Variants in LOXL2 observed in about 807,000 individuals in gnomAD.
The protein encoded by LOXL2 is lysyl oxidase homolog 2.
A neutral mutation model predicts 93.0 loss-of-function variants in LOXL2; 70 were observed. The ratio of observed to expected loss-of-function variants is 0.75; its 90% CI spans 0.62 to 0.92. LOXL2 has a LOEUF of 0.92. Ranked by LOEUF, LOXL2 falls within the 40% of genes least tolerant of loss-of-function variation. The probability of loss-of-function intolerance (pLI) is 0.00; values close to 1 mark genes in which losing one functional copy is unlikely to be tolerated. For missense variants in LOXL2, 973 were observed against 1,054.9 expected, an observed-to-expected ratio of 0.92 and a Z score of 1.08; for synonymous variants, 438 against 413.2, an observed-to-expected ratio of 1.06 and a Z score of -0.73.
intron 2 of LOXL2, among the ~76,000 whole-genome samples, chr8:23,366,859 T>A (rs1196636862): frequency 6.6e-6 from 1 of 152,144 alleles, no homozygotes; most frequent in African/African-American, 2.4e-5. Flanking sequence ...TCTTTCCTAT[T>A]TGGGAACATA....
At chr8:23,325,922 G>A (rs7012666) in intron 6 of LOXL2, among the ~76,000 whole-genome samples, 108,223 of 152,140 alleles carry the variant, frequency 0.71, 38,737 homozygotes, top group Middle Eastern at 0.76. Context: ...GGTGCTGTGC[G>A]TCCAGCCACC....
At chr8:23,305,412 G>A (rs1051551814) in intron 10 of LOXL2, among the ~76,000 whole-genome samples, 2 of 152,152 alleles carry the variant, frequency 1.3e-5, no homozygotes, top group Admixed American at 6.5e-5. Flanking sequence ...CTTCTGTCCT[G>A]GGCATCTCGC....
intron 4 of LOXL2, among the ~76,000 whole-genome samples, chr8:23,339,757 C>T (rs1474404905): frequency 1.3e-5 from 2 of 152,210 alleles, no homozygotes; most frequent in African/African-American, 4.8e-5. Flanking sequence ...CTGGTGCCAA[C>T]AGGAAGGTCT....
At chr8:23,381,706 A>G (rs1176665262) in intron 1 of LOXL2, among the ~76,000 whole-genome samples, 1 of 152,110 alleles carries the variant, frequency 6.6e-6, no homozygotes, top group Non-Finnish European at 1.5e-5. Context: ...TCACATTGGT[A>G]TCCTTCCAAC....
At position 23,317,004 on chromosome 8, in the gene LOXL2, G is replaced by A. The variant is rs138796129; in HGVS notation, c.1581C>T (p.Asp527=). ...SLAHCRHDGE[D]VACPQGGVQY... is the part of the protein sequence containing the mutation. ...GCACTCCGCCCTGGGGGCAGGCCAC[G>A]TCCTCCCCGTCGTGGCGGCAGTGCG... The change falls in exon 9 of 14, where the codon GAC becomes GAT. Residue 527 remains aspartate (D), a synonymous_variant. Coordinates refer to ENST00000389131, the MANE Select transcript of LOXL2 (RefSeq NM_002318.3). 2.2e-5 allele frequency: 35 copies of A among 1,614,000 alleles called. No homozygotes were observed. Among genetic ancestry groups the A allele is most frequent in the African/African-American group, 2.7e-5 (2 of 74,932 alleles).
intron 1 of LOXL2, among the ~76,000 whole-genome samples, chr8:23,396,343 C>A (rs1175730267): frequency 6.6e-6 from 1 of 151,578 alleles, no homozygotes; most frequent in Non-Finnish European, 1.5e-5. Context: ...AACAAACAAA[C>A]AAACAAACAA....
intron 3 of LOXL2, among the ~76,000 whole-genome samples, chr8:23,346,975 T>C (rs554760941): frequency 3.4e-4 from 51 of 152,174 alleles, no homozygotes; most frequent in Non-Finnish European, 6.8e-4. Flanking sequence ...CACCAGCAAG[T>C]TCCTGCATCT....
At chr8:23,396,319 A>AAAAC (rs71548892) in intron 1 of LOXL2, among the ~76,000 whole-genome samples, 4,374 of 150,510 alleles carry the variant, frequency 0.029, 165 homozygotes, top group East Asian at 0.09. Context: ...CTCAGTCTCA[A>AAAAC]AAACAAACAA....
At chr8:23,353,290 G>T (rs1363979521) in intron 3 of LOXL2, among the ~76,000 whole-genome samples, 1 of 152,182 alleles carries the variant, frequency 6.6e-6, no homozygotes, top group Admixed American at 6.5e-5. Context: ...TGGGAGGTTT[G>T]GTTGGGGCTC....
chr8:23,336,424 G>A (rs1380220216), intron 4 of LOXL2: 1 of 152,240 alleles, frequency 6.6e-6, no homozygotes, highest in Non-Finnish European at 1.5e-5. Flanking sequence ...GGAGGCCCAC[G>A]GAGGGTGGAA....
intron 1 of LOXL2, among the ~76,000 whole-genome samples, chr8:23,394,395 A>AG (rs1378788796): frequency 3.8e-5 from 5 of 132,302 alleles, no homozygotes; most frequent in Non-Finnish European, 8.0e-5. Flanking sequence ...TCTGTCTCAG[A>AG]GAAAAAAAAA....
At position 23,298,919 on chromosome 8, in the gene LOXL2, G is replaced by A; in HGVS notation, c.2162C>T (p.Ala721Val). The A allele has an allele frequency of 1.2e-6, 2 of 1,613,128 alleles. No homozygotes were observed. The highest frequency in any genetic ancestry group is 8.5e-7 in the Non-Finnish European group (1 of 1,179,174). The change falls in exon 13 of 14, where the codon GCA becomes GTA. Residue 721 changes from alanine to valine, a missense_variant. Ala to Val is a moderately conservative substitution (Grantham distance 64). Coordinates refer to ENST00000389131, the MANE Select transcript of LOXL2 (RefSeq NM_002318.3). ...GATGTTGTTGGAGTAATCGGATTCT[G>A]CAACCTCGAAGTTGGGGTTAATAAC... ...QVVINPNFEV[A>V]ESDYSNNIMK...
At chr8:23,323,945 C>T (rs982309077) in intron 6 of LOXL2, among the ~76,000 whole-genome samples, 10 of 152,148 alleles carry the variant, frequency 6.6e-5, no homozygotes, top group South Asian at 2.1e-4. Context: ...TGTGATCTGC[C>T]CGCCTCGGCC....
intron 1 of LOXL2, among the ~76,000 whole-genome samples, chr8:23,397,805 T>G (rs1269982546): frequency 8.6e-6 from 1 of 116,752 alleles, no homozygotes; most frequent in African/African-American, 3.3e-5. Context: ...AAGAAAGAAA[T>G]ATGCTTTTCC....
intron 2 of LOXL2, among the ~76,000 whole-genome samples, chr8:23,366,743 C>T (rs767853730): frequency 6.6e-6 from 1 of 152,008 alleles, no homozygotes; most frequent in Non-Finnish European, 1.5e-5. Context: ...GCAGCTCAGC[C>T]GGGCGGGAGG....
intron 1 of LOXL2, among the ~76,000 whole-genome samples, chr8:23,386,808 C>T (rs1390466693): frequency 6.6e-6 from 1 of 152,166 alleles, no homozygotes; most frequent in Non-Finnish European, 1.5e-5. Flanking sequence ...GTCAGCAGAA[C>T]ATGGGAGAAT....
intron 1 of LOXL2, among the ~76,000 whole-genome samples, chr8:23,395,132 T>C (rs1411053131): frequency 6.6e-6 from 1 of 152,152 alleles, no homozygotes; most frequent in African/African-American, 2.4e-5. Flanking sequence ...CGCACGCCTG[T>C]AGTTCCAGCT....
chr8:23,299,602 GA>G (rs1409528835), intron 12 of LOXL2, among the ~76,000 whole-genome samples: 9 of 152,200 alleles, frequency 5.9e-5, no homozygotes, highest in Middle Eastern at 3.2e-3. Context: ...TGAGGGAACA[GA>G]AAAGGGGAGG....
chr8:23,339,727 T>A (rs1803849719), intron 4 of LOXL2, among the ~76,000 whole-genome samples: 2 of 152,146 alleles, frequency 1.3e-5, no homozygotes, highest in African/African-American at 4.8e-5. Context: ...TTCTCCAAAG[T>A]ATTCAGAGGA....
Sources: gnomAD v4.1 joint callset for allele counts (sites outside exome capture counted in the v4.1 genomes callset) on GRCh38, gnomAD v4.1.1 for gene constraint, MANE v1.5 for transcripts, NCBI Gene and HGNC (gene_info 2026-07-23, HGNC 2026-07-21) for gene names.